The following ROBO1 variants were observed in gnomAD, a reference collection of about 807,000 sequenced individuals.
ROBO1 encodes roundabout homolog 1.
ROBO1 carries 149 observed loss-of-function variants against 195.9 expected under a neutral mutation model. The ratio of observed to expected loss-of-function variants is 0.76; its 90% CI spans 0.67 to 0.87. The LOEUF is 0.87. Among genes scored for constraint, ROBO1 ranks in the 40% least tolerant of loss-of-function variants. ROBO1 has a pLI of 0.00. For missense variants in ROBO1, 1,933 were observed against 2,068.3 expected, an observed-to-expected ratio of 0.93 and a Z score of 1.27; for synonymous variants, 816 against 733.2, an observed-to-expected ratio of 1.11 and a Z score of -1.82.
intron 1 of ROBO1, among the ~76,000 whole-genome samples, chr3:79,686,305 T>G (rs997274057): frequency 7.9e-5 from 12 of 152,274 alleles, no homozygotes; most frequent in African/African-American, 2.6e-4. Flanking sequence ...CTTTGAAAAC[T>G]GGCACAAGAC....
At chr3:79,044,386 G>A (rs1032545221) in intron 3 of ROBO1, among the ~76,000 whole-genome samples, 7 of 152,100 alleles carry the variant, frequency 4.6e-5, no homozygotes, top group Admixed American at 2.0e-4. Context: ...TCCATTCCTT[G>A]AAATATTTAT....
intron 2 of ROBO1, among the ~76,000 whole-genome samples, chr3:79,461,256 T>A (rs754750084): frequency 2.6e-5 from 4 of 152,102 alleles, no homozygotes; most frequent in Non-Finnish European, 5.9e-5. Context: ...CCCTGTTGCA[T>A]CTGGGCTTGC....
chr3:78,870,992 T>C (rs1255311577), intron 4 of ROBO1, among the ~76,000 whole-genome samples: 5 of 152,296 alleles, frequency 3.3e-5, no homozygotes, highest in African/African-American at 1.2e-4. Flanking sequence ...ATATGTAAAG[T>C]ACTAGGTCTA....
chr3:79,077,854 C>T (rs1050954963), intron 3 of ROBO1, among the ~76,000 whole-genome samples: 8 of 151,858 alleles, frequency 5.3e-5, no homozygotes, highest in African/African-American at 1.9e-4. Context: ...GTGCTATTTA[C>T]TTCTCTAAGT....
intron 2 of ROBO1, among the ~76,000 whole-genome samples, chr3:79,546,282 T>C (rs540159534): frequency 2.6e-5 from 4 of 152,240 alleles, no homozygotes; most frequent in African/African-American, 9.6e-5. Context: ...ACATGATCGG[T>C]AAGGCTTCCA....
intron 2 of ROBO1, among the ~76,000 whole-genome samples, chr3:79,453,641 A>G (rs1217935138): frequency 6.6e-6 from 1 of 150,868 alleles, no homozygotes; most frequent in Non-Finnish European, 1.5e-5. Flanking sequence ...AACTGAATGT[A>G]GGTCTCAGTA....
rs1176659626 is a variant in ROBO1 at position 78,670,110 on chromosome 3, T to C, written c.1534A>G (p.Ile512Val). 6.2e-7 allele frequency: 1 copy of C among 1,610,760 alleles called. No homozygotes were observed. The highest frequency in any genetic ancestry group is 8.5e-7 in the Non-Finnish European group (1 of 1,177,748). Residue 512 changes from isoleucine to valine, a missense_variant, in exon 11 of 31, where the codon ATC (isoleucine) becomes GTC (valine). Ile to Val is a conservative substitution (Grantham distance 29, BLOSUM62 3). Around this residue, in one of 3 missense-constraint regions of ROBO1, gnomAD observed 1,737 missense variants for 1,882.5 expected, o/e 0.92. Coordinates refer to ENST00000464233, the MANE Select transcript of ROBO1 (RefSeq NM_002941.4). ...IKQLENGVLQIRYAKLGDTGR... is the reference protein window; with the variant it reads ...IKQLENGVLQVRYAKLGDTGR... ...TTCCAAGTTACCTTAGCATATCGGA[T>C]CTGCAGTACTCCATTCTCCAACTGT...
intron 10 of ROBO1, among the ~76,000 whole-genome samples, chr3:78,680,925 A>ATG (rs1300839195): frequency 6.6e-6 from 1 of 150,562 alleles, no homozygotes. Flanking sequence ...AAAGACTTGG[A>ATG]ACCAACCCAA....
At chr3:79,683,583 G>A (rs1330437828) in intron 1 of ROBO1, among the ~76,000 whole-genome samples, 2 of 151,924 alleles carry the variant, frequency 1.3e-5, no homozygotes, top group African/African-American at 4.8e-5. Flanking sequence ...AAACAAACAT[G>A]CCCATTAGCA....
At chr3:79,330,492 T>C (rs1008716770) in intron 2 of ROBO1, among the ~76,000 whole-genome samples, 1 of 151,140 alleles carries the variant, frequency 6.6e-6, no homozygotes, top group African/African-American at 2.4e-5. Context: ...TTTTGTGATA[T>C]GTGAAAATTA....
At chr3:79,148,590 A>G (rs1029100072) in intron 2 of ROBO1, among the ~76,000 whole-genome samples, 1 of 151,910 alleles carries the variant, frequency 6.6e-6, no homozygotes, top group Admixed American at 6.6e-5. Context: ...TTTTGAGTTG[A>G]GTTCAATAGT....
At chr3:79,381,669 G>T (rs1434336740) in intron 2 of ROBO1, among the ~76,000 whole-genome samples, 1 of 151,858 alleles carries the variant, frequency 6.6e-6, no homozygotes, top group African/African-American at 2.4e-5. Flanking sequence ...TTTAGATTAT[G>T]GTCAGGGTCC....
At chr3:78,821,454 G>A (rs1009723163) in intron 4 of ROBO1, among the ~76,000 whole-genome samples, 3 of 152,034 alleles carry the variant, frequency 2.0e-5, no homozygotes, top group African/African-American at 7.2e-5. Context: ...ATGAGCCACT[G>A]TGCCCAGCCG....
chr3:79,651,896 C>A (rs1190241112), intron 1 of ROBO1, among the ~76,000 whole-genome samples: 2 of 152,136 alleles, frequency 1.3e-5, no homozygotes, highest in African/African-American at 4.8e-5. Context: ...AATTCACCAA[C>A]ATTTTTTCTC....
chr3:79,741,700 G>C (rs1028429796), intron 1 of ROBO1, among the ~76,000 whole-genome samples: 2 of 152,126 alleles, frequency 1.3e-5, no homozygotes, highest in Admixed American at 1.3e-4. Context: ...GAACAGTTTG[G>C]AGGACTCAGA....
intron 5 of ROBO1, among the ~76,000 whole-genome samples, chr3:78,739,972 G>C (rs542134719): frequency 6.6e-5 from 10 of 152,266 alleles, no homozygotes; most frequent in African/African-American, 2.4e-4. Context: ...TCAAAAAAAT[G>C]CAAGTGCCCC....
intron 3 of ROBO1, among the ~76,000 whole-genome samples, chr3:79,058,149 C>G (rs997973548): frequency 6.6e-6 from 1 of 151,916 alleles, no homozygotes; most frequent in Admixed American, 6.6e-5. Context: ...TTTTGAGGCC[C>G]CATCTAAAAC....
At chr3:79,666,699 C>T (rs1044027278) in intron 1 of ROBO1, among the ~76,000 whole-genome samples, 6 of 151,796 alleles carry the variant, frequency 4.0e-5, no homozygotes, top group Admixed American at 2.0e-4. Context: ...TCCCCAGCCA[C>T]GAGGAACTAT....
At chr3:79,155,958 C>T (rs2108649915) in intron 2 of ROBO1, among the ~76,000 whole-genome samples, 1 of 151,930 alleles carries the variant, frequency 6.6e-6, no homozygotes, top group South Asian at 2.1e-4. Context: ...AATTCACTTC[C>T]CAACTTACAA....
Sources: gnomAD v4.1 joint callset for allele counts (sites outside exome capture counted in the v4.1 genomes callset) on GRCh38, gnomAD v4.1.1 for gene constraint, gnomAD v4.1.1 regional missense constraint, MANE v1.5 for transcripts, NCBI Gene and HGNC (gene_info 2026-07-23, HGNC 2026-07-21) for gene names.